GPC3: variants seen among roughly 807,000 people sequenced by gnomAD.
GPC3 encodes the protein glypican-3.
A neutral mutation model predicts 34.4 loss-of-function variants in GPC3; 3 were observed. That is an observed-to-expected ratio of 0.09 (90% CI 0.04 to 0.23). GPC3 has a LOEUF of 0.23. GPC3 is among the 10% of genes least tolerant of loss of function. The probability of loss-of-function intolerance (pLI) is 1.00; values close to 1 mark genes in which losing one functional copy is unlikely to be tolerated. For missense variants in GPC3, 351 were observed against 445.6 expected, an observed-to-expected ratio of 0.79 and a Z score of 1.91; for synonymous variants, 177 against 174.0, an observed-to-expected ratio of 1.02 and a Z score of -0.13.
At position 133,837,130 on chromosome X, in the gene GPC3, G is replaced by A. The variant is rs556852537; in HGVS notation, c.338-82954C>T. Among the ~76,000 whole-genome samples the A allele has an allele frequency of 5.5e-4, 62 of 111,749 alleles. 1 individual carries two copies. The highest frequency in any genetic ancestry group is 1.9e-3 in the African/African-American group (58 of 30,773). On this transcript the variant is annotated intron_variant, in intron 2 of 7. Transcript: ENST00000370818. The stretch of plus-strand genomic sequence containing the variant: ...TTTATAAAAGATTTGAGCCCCCTGA[G>A]CTTGGGGTTCTCTTCTGTAATGCAA...
At chrX:133,629,852 C>T (rs2070347325) in intron 6 of GPC3, among the ~76,000 whole-genome samples, 1 of 109,421 alleles carries the variant, frequency 9.1e-6, no homozygotes. Context: ...GTCAGGAGTT[C>T]GAGACCAGCA....
rs780689039 is a variant in GPC3 at position 133,795,985 on chromosome X, C to G, written c.338-41809G>C. The stretch of plus-strand genomic sequence containing the variant: ...TTTTGAGATGGAGTCTCGCTTTGTC[C>G]CCCAGGCTGGAGTGCAGTGGCGCAA... On this transcript the variant is annotated intron_variant, in intron 2 of 7. Coordinates refer to ENST00000370818, the MANE Select transcript of GPC3 (RefSeq NM_004484.4). 2.3e-4 allele frequency among the ~76,000 whole-genome samples: 23 copies of G among 99,961 alleles called. No individual in the cohort carries two copies. In the East Asian group the frequency reaches 2.5e-3, roughly 11 times the overall value. 86.8% of individuals were successfully genotyped at this position (99,961 alleles called of 115,157 possible). A position where few individuals can be genotyped will look rare whatever the true frequency, so the allele number is the denominator to read the frequency against.
intron 2 of GPC3, among the ~76,000 whole-genome samples, chrX:133,825,698 A>G (rs1360079227): frequency 2.7e-5 from 3 of 112,037 alleles, no homozygotes; most frequent in Non-Finnish European, 5.6e-5. Flanking sequence ...ACAGAAGGTC[A>G]TGTACACATG....
At chrX:133,891,424 A>T (rs2076086697) in intron 2 of GPC3, among the ~76,000 whole-genome samples, 1 of 110,691 alleles carries the variant, frequency 9.0e-6, no homozygotes, top group Non-Finnish European at 1.9e-5. Context: ...TGTACATTTT[A>T]AAAGGGTGAA....
At chrX:133,643,280 T>TCACCAGGC (rs1749895203) in intron 6 of GPC3, among the ~76,000 whole-genome samples, 1 of 110,589 alleles carries the variant, frequency 9.0e-6, no homozygotes, top group East Asian at 2.8e-4. Flanking sequence ...GGTCAGGAGG[T>TCACCAGGC]CACCAGGCCA....
chrX:133,756,750 T>G (rs1294499091), intron 2 of GPC3, among the ~76,000 whole-genome samples: 1 of 112,604 alleles, frequency 8.9e-6, no homozygotes. Flanking sequence ...GGGGTTTACT[T>G]TGAACCTCAA....
chrX:133,886,985 T>C (rs1178745367), intron 2 of GPC3, among the ~76,000 whole-genome samples: 1 of 112,556 alleles, frequency 8.9e-6, no homozygotes, highest in Non-Finnish European at 1.9e-5. Flanking sequence ...TGGTGGATCA[T>C]ATGGTAATTC....
At chrX:133,768,864 CG>C (rs1286968518) in intron 2 of GPC3, among the ~76,000 whole-genome samples, 4 of 109,941 alleles carry the variant, frequency 3.6e-5, no homozygotes, top group Admixed American at 2.9e-4. Context: ...CACTGGAACC[CG>C]GGAGGCAGAG....
intron 2 of GPC3, among the ~76,000 whole-genome samples, chrX:133,840,459 T>C (rs762295588): frequency 9.0e-6 from 1 of 111,314 alleles, no homozygotes; most frequent in South Asian, 3.9e-4. Flanking sequence ...CCTCAGTGGC[T>C]TCATCCCTAA....
chrX:133,812,676 T>C lies in GPC3; in HGVS notation c.338-58500A>G, dbSNP rs1162857462. On this transcript the variant is annotated intron_variant, in intron 2 of 7. Coordinates refer to ENST00000370818, the MANE Select transcript of GPC3 (RefSeq NM_004484.4). ...AAGAACTAAATCTACGACGTTTGAA[T>C]ATGTGTGCCTGTTTTCTTAAAAGGA... Among the ~76,000 whole-genome samples, 3 of 112,265 alleles carry C rather than the reference T, an allele frequency of 2.7e-5. No individual in the cohort carries two copies. The East Asian group carries it at 8.4e-4, about 31-fold the overall frequency.
intron 5 of GPC3, among the ~76,000 whole-genome samples, chrX:133,682,864 G>T (rs1278139403): frequency 9.2e-6 from 1 of 109,081 alleles, no homozygotes; most frequent in Admixed American, 9.8e-5. Flanking sequence ...CTACTTGGGA[G>T]GCTGAGGCAG....
intron 4 of GPC3, among the ~76,000 whole-genome samples, chrX:133,696,079 A>G (rs1168997784): frequency 1.8e-5 from 2 of 110,385 alleles, no homozygotes; most frequent in Non-Finnish European, 3.8e-5. Flanking sequence ...GTAGATCTCC[A>G]GCACAGTTCT....
intron 7 of GPC3, among the ~76,000 whole-genome samples, chrX:133,537,328 A>G (rs1379766010): frequency 8.9e-6 from 1 of 112,180 alleles, no homozygotes; most frequent in African/African-American, 3.2e-5. Context: ...CTGGTAGCCA[A>G]GGGAGCTAGA....
At chrX:133,805,717 C>T (rs989713689) in intron 2 of GPC3, among the ~76,000 whole-genome samples, 1 of 111,765 alleles carries the variant, frequency 8.9e-6, no homozygotes, top group African/African-American at 3.3e-5. Context: ...CAGTACCTAC[C>T]TCCTAAGGTT....
chrX:133,592,705 G>A (rs1288800920), intron 7 of GPC3, among the ~76,000 whole-genome samples: 1 of 110,805 alleles, frequency 9.0e-6, no homozygotes, highest in Non-Finnish European at 1.9e-5. Flanking sequence ...GGCTATGAAA[G>A]ATTTCATGGA....
chrX:133,871,101 G>A (rs1455913754), intron 2 of GPC3, among the ~76,000 whole-genome samples: 4 of 111,627 alleles, frequency 3.6e-5, no homozygotes, highest in Non-Finnish European at 7.5e-5. Context: ...CTGTAGGCCT[G>A]TATTTCTGAC....
chrX:133,972,927 C>G (rs2076499432), intron 1 of GPC3, among the ~76,000 whole-genome samples: 1 of 111,140 alleles, frequency 9.0e-6, no homozygotes, highest in Non-Finnish European at 1.9e-5. Flanking sequence ...CAGCAGACAA[C>G]TGGGAAATAC....
intron 2 of GPC3, among the ~76,000 whole-genome samples, chrX:133,924,556 C>T (rs936790460): frequency 9.0e-6 from 1 of 111,629 alleles, no homozygotes; most frequent in East Asian, 2.8e-4. Context: ...TTGAAATCGC[C>T]CCCAACACAA....
chrX:133,923,003 G>C (rs1030938776), intron 2 of GPC3, among the ~76,000 whole-genome samples: 1 of 111,040 alleles, frequency 9.0e-6, no homozygotes, highest in Non-Finnish European at 1.9e-5. Flanking sequence ...AGGTCACATA[G>C]AGGCAGAGCC....
Sources: allele counts gnomAD v4.1 joint callset (sites outside exome capture counted in the v4.1 genomes callset), GRCh38; gene constraint gnomAD v4.1.1; transcripts MANE v1.5; gene names NCBI Gene and HGNC (gene_info 2026-07-23, HGNC 2026-07-21).